DNAAF1: variants seen among roughly 807,000 people sequenced by gnomAD.
The protein encoded by DNAAF1 is dynein assembly factor 1, axonemal.
Under a neutral mutation model 71.1 loss-of-function variants are expected in DNAAF1, and 65 were observed. The ratio of observed to expected loss-of-function variants is 0.91; its 90% CI spans 0.75 to 1.12. The LOEUF is 1.12. Among genes scored for constraint, DNAAF1 ranks in the 50% most tolerant of loss-of-function variants. The pLI is 0.00. For missense variants in DNAAF1, 1,178 were observed against 899.8 expected, an observed-to-expected ratio of 1.31 and a Z score of -3.96; for synonymous variants, 414 against 354.6, an observed-to-expected ratio of 1.17 and a Z score of -1.88.
chr16:84,173,312 A>T (rs902294394), intron 9 of DNAAF1: 1 of 723,616 alleles, frequency 1.4e-6, no homozygotes, highest in Non-Finnish European at 1.7e-6. Context: ...AAATAGAAAA[A>T]AATTAGCCAG....
chr16:84,146,870 G>A (rs75641672), intron 1 of DNAAF1, among the ~76,000 whole-genome samples: 3 of 152,164 alleles, frequency 2.0e-5, no homozygotes, highest in African/African-American at 7.2e-5. Flanking sequence ...GTTTCTGAAC[G>A]CAGGCAACAA....
At chr16:84,172,081 G>A (rs941573840) in intron 8 of DNAAF1, among the ~76,000 whole-genome samples, 179 bp from the exon 9 acceptor site, 3 of 152,050 alleles carry the variant, frequency 2.0e-5, no homozygotes, top group African/African-American at 7.2e-5. Context: ...GTTTCACTGT[G>A]TTGGCCAGGC....
At chr16:84,165,631 A>T in intron 6 of DNAAF1, 152 bp from the exon 7 acceptor site, 1 of 764,242 alleles carries the variant, frequency 1.3e-6, no homozygotes, top group African/African-American at 1.7e-5. Flanking sequence ...GTTCCACCTT[A>T]AATAATAAAA....
intron 6 of DNAAF1, 116 bp from the exon 7 acceptor site, chr16:84,165,667 C>T: frequency 4.1e-6 from 4 of 980,018 alleles, no homozygotes; most frequent in Non-Finnish European, 6.6e-6. Flanking sequence ...TTTATCCTTG[C>T]AGTCACATGT....
At chr16:84,149,233 G>A in intron 2 of DNAAF1, 91 bp downstream of exon 2, 2 of 1,533,138 alleles carry the variant, frequency 1.3e-6, no homozygotes, top group Non-Finnish European at 1.8e-6. Flanking sequence ...ATAGAGGCTG[G>A]TAGAGATTGA....
chr16:84,177,213 G>C lies in DNAAF1; in HGVS notation c.2066-516G>C, dbSNP rs191104777. On this transcript the variant is annotated intron_variant, in intron 11 of 11. Coordinates refer to ENST00000378553, the MANE Select transcript of DNAAF1 (RefSeq NM_178452.6). ...ACTCTAGGAACCAGCACAGAAAAGT[G>C]CAGTCTGAGCTGGAGCCCGTGCAGC... is the stretch of plus-strand genomic sequence containing the variant. 1.3e-3 allele frequency: 254 copies of C among 202,770 alleles called. 5 individuals carry two copies. Among genetic ancestry groups the C allele is most frequent in the African/African-American group, 5.4e-3 (233 of 43,494 alleles). 12.6% of individuals were successfully genotyped at this position (202,770 alleles called of 1,614,324 possible).
At chr16:84,156,813 T>C (rs554123996) in intron 5 of DNAAF1, among the ~76,000 whole-genome samples, 19 of 151,780 alleles carry the variant, frequency 1.3e-4, no homozygotes, top group Admixed American at 2.0e-4. Context: ...ATTTTTCTTT[T>C]CTTTTCTTTT....
At chr16:84,158,064 G>A (rs1304346442) in intron 5 of DNAAF1, among the ~76,000 whole-genome samples, 1 of 152,050 alleles carries the variant, frequency 6.6e-6, no homozygotes, top group African/African-American at 2.4e-5. Flanking sequence ...AATTAGCCGG[G>A]CGTGGTGGCA....
At chr16:84,151,718 T>C (rs1399647509) in intron 3 of DNAAF1, among the ~76,000 whole-genome samples, 4 of 152,208 alleles carry the variant, frequency 2.6e-5, no homozygotes, top group African/African-American at 9.7e-5. Context: ...GGGTCTCTCA[T>C]GAGGCAGTAG....
At chr16:84,172,671 CT>C in intron 9 of DNAAF1, 1 of 1,252,590 alleles carries the variant, frequency 8.0e-7, no homozygotes. Context: ...CTCTTGATTC[CT>C]TTTTGCCAAA....
intron 3 of DNAAF1, among the ~76,000 whole-genome samples, chr16:84,151,314 G>A (rs2087170196): frequency 6.6e-6 from 1 of 152,272 alleles, no homozygotes; most frequent in African/African-American, 2.4e-5. Flanking sequence ...CAGCTATTAT[G>A]AGGACGGTGC....
At chr16:84,153,302 A>C (rs1015835990) in intron 3 of DNAAF1, among the ~76,000 whole-genome samples, 1 of 152,342 alleles carries the variant, frequency 6.6e-6, no homozygotes, top group African/African-American at 2.4e-5. Flanking sequence ...CTTAATACCT[A>C]GGTGATGGGA....
chr16:84,168,967 T>A (rs1315485304), intron 7 of DNAAF1, among the ~76,000 whole-genome samples: 3 of 152,062 alleles, frequency 2.0e-5, no homozygotes, highest in Non-Finnish European at 4.4e-5. Context: ...ATTTTCTTGA[T>A]AGCTGTGACC....
rs34897947 is a variant in DNAAF1, at chr16:84,154,586, G to T, written c.362G>T (p.Arg121Leu). Residue 121 changes from arginine to leucine, a missense_variant, in exon 4 of 12, where the codon CGC becomes CTC. By Grantham distance (102) the Arg-to-Leu change is moderately radical. Transcript: ENST00000378553. The stretch of plus-strand genomic sequence containing the variant: ...GCTTCCTTTTTGTTAGGTTTTGATC[G>T]CATTGAGAACCTGGAAGAGTACACA... ...TLYLHFKGFD[R>L]IENLEEYTGL... is the part of the protein sequence containing the mutation. The T allele has an allele frequency of 3.7e-6, 6 of 1,614,016 alleles. No individual in the cohort carries two copies. The highest frequency in any genetic ancestry group is 4.2e-6 in the Non-Finnish European group (5 of 1,179,992).
At chr16:84,172,853 T>C (rs2088439814) in intron 9 of DNAAF1, 1 of 1,035,348 alleles carries the variant, frequency 9.7e-7, no homozygotes, top group African/African-American at 1.7e-5. Flanking sequence ...CTCATGGAGG[T>C]GTGACGGTTC....
chr16:84,165,959 CGGCCGAAGACAA>C lies in DNAAF1; in HGVS notation c.1030+11_1030+22del, dbSNP rs770613584. 288 of 1,610,884 alleles carry C rather than the reference CGGCCGAAGACAA, an allele frequency of 1.8e-4. No homozygotes were observed. In the African/African-American group the frequency reaches 3.1e-3, roughly 17 times the overall value. On this transcript the variant is annotated intron_variant, in intron 7 of 11. Transcript: ENST00000378553. Reference sequence around the variant, plus strand: ...GAGAGTCAAGAGAGAGGTATGCGCTCGGCCGAAGACAACAGCCCCAGAGTTCCTTTGAGATTA... The same window carrying C: ...GAGAGTCAAGAGAGAGGTATGCGCTCCAGCCCCAGAGTTCCTTTGAGATTA...
At chr16:84,172,536 C>T in intron 9 of DNAAF1, 161 bp downstream of exon 9, 1 of 1,463,786 alleles carries the variant, frequency 6.8e-7, no homozygotes. Context: ...GACTCCCAGG[C>T]CTCACCCCAG....
In DNAAF1 at chr16:84,176,181, G is replaced by C; in HGVS notation, c.1947G>C (p.Glu649Asp). 1.2e-6 allele frequency: 2 copies of C among 1,614,058 alleles called. No homozygotes were observed. Among genetic ancestry groups the C allele is most frequent in the Admixed American group, 3.3e-5 (2 of 60,028 alleles). The part of the protein sequence containing the change: ...DTKSPRPLIQ[E>D]LSDEDPSGQL... ...AGTCCCCAAGACCCCTGATCCAGGA[G>C]CTCAGCGACGAGGACCCCTCTGGCC... is the stretch of plus-strand genomic sequence containing the variant. The change falls in exon 11 of 12, where the codon GAG (glutamate) becomes GAC (aspartate). Residue 649 changes from glutamate (E) to aspartate (D), a missense_variant. Physicochemically the swap from Glu to Asp is conservative, Grantham distance 45. Transcript: ENST00000378553.
At chr16:84,148,266 T>G (rs2087008000) in intron 1 of DNAAF1, among the ~76,000 whole-genome samples, 1 of 152,172 alleles carries the variant, frequency 6.6e-6, no homozygotes. Context: ...TATGGTATCC[T>G]GTGCTTATTT....
Sources: allele counts gnomAD v4.1 joint callset (sites outside exome capture counted in the v4.1 genomes callset), GRCh38; gene constraint gnomAD v4.1.1; transcripts MANE v1.5; gene names NCBI Gene and HGNC (gene_info 2026-07-23, HGNC 2026-07-21).